MAGEA10: variants seen among roughly 807,000 people sequenced by gnomAD.
MAGEA10 encodes the protein melanoma-associated antigen 10.
A neutral mutation model predicts 8.6 loss-of-function variants in MAGEA10; 7 were observed. The ratio of observed to expected loss-of-function variants is 0.82; its 90% CI spans 0.46 to 1.53. The LOEUF is 1.53. MAGEA10 is among the 40% of genes most tolerant of loss of function. The pLI, the probability that MAGEA10 is intolerant of heterozygous loss-of-function variation, is 0.01. For synonymous variants in MAGEA10, 125 were observed against 107.4 expected (o/e 1.16, Z -1.02); for missense variants, 293 against 274.0 (o/e 1.07, Z -0.49).
At chrX:152,138,341 T>TGGGGGGGGGGGAGGGGGGGGGGGGGGGGG (rs11365460) in intron 1 of MAGEA10, 134 bp downstream of exon 1, 17 of 26,421 alleles carry the variant, frequency 6.4e-4, no homozygotes, top group African/African-American at 1.2e-3. Flanking sequence ...GGGGCGGGGG[T>TGGGGGGGGGGGAGGGGGGGGGGGGGGGGG]GGGGGGGGGG....
In MAGEA10 at chrX:152,134,121, AC is replaced by A. The variant is rs1936611926; in HGVS notation, c.*389del. The A allele has an allele frequency of 7.6e-6, 1 of 131,420 alleles. No individual in the cohort carries two copies. Among genetic ancestry groups the A allele is most frequent in the African/African-American group, 3.2e-5 (1 of 31,274 alleles). The allele number at this position is 131,420 out of a possible 1,213,427, so 10.8% of individuals were successfully genotyped here. A position where few individuals can be genotyped will look rare whatever the true frequency, so the allele number is the denominator to read the frequency against. On this transcript the variant is annotated 3_prime_UTR_variant, in exon 4 of 4. Coordinates refer to ENST00000370323, the MANE Select transcript of MAGEA10 (RefSeq NM_021048.5). Reference sequence around the variant, plus strand: ...ATTTGTTTTCATAAATTAAAAAAAAACAAAAACATAAACAAAAACTGACATG... The same window carrying A: ...ATTTGTTTTCATAAATTAAAAAAAAAAAAAACATAAACAAAAACTGACATG...
chrX:152,133,501 A>G lies in MAGEA10; in HGVS notation c.*1010T>C, dbSNP rs1191421015. 1 of 112,468 alleles carries G rather than the reference A, an allele frequency of 8.9e-6. No homozygotes were observed. Among genetic ancestry groups the G allele is most frequent in the African/African-American group, 3.2e-5 (1 of 30,933 alleles). The allele number at this position is 112,468 out of a possible 1,213,427, so 9.3% of individuals were successfully genotyped here. On this transcript the variant is annotated 3_prime_UTR_variant, in exon 4 of 4. Transcript: ENST00000370323. Reference sequence around the variant, plus strand: ...ATTCCATGTTATTTTATTACAGATTACAAATATGATGGAAGGGTTCCCAAT... The same window carrying G: ...ATTCCATGTTATTTTATTACAGATTGCAAATATGATGGAAGGGTTCCCAAT...
rs750288203 is a variant in MAGEA10, at chrX:152,135,339, G to C, written c.282C>G (p.Pro94=). 4 of 1,210,834 alleles carry C rather than the reference G, an allele frequency of 3.3e-6. No individual in the cohort carries two copies. Among genetic ancestry groups the C allele is most frequent in the South Asian group, 1.8e-5 (1 of 56,760 alleles). Residue 94 remains proline, a synonymous_variant, in exon 4 of 4, where the codon CCC becomes CCG. Transcript: ENST00000370323. ...CTAATGGAAGGGAAGCAACGACCGA[G>C]GGGGAGGAGCAGGCTATCTGAGCAC... is the stretch of plus-strand genomic sequence containing the variant. ...PQSAQIACSS[P]SVVASLPLDQ... is the part of the protein sequence containing the mutation.
intron 1 of MAGEA10, among the ~76,000 whole-genome samples, chrX:152,137,970 CGAGTGAA>C (rs1936716251): frequency 9.0e-6 from 1 of 110,566 alleles, no homozygotes; most frequent in African/African-American, 3.3e-5. Context: ...TTCCTCAGGC[CGAGTGAA>C]GAGACATCTC....
chrX:152,135,160 G>A lies in MAGEA10; in HGVS notation c.461C>T (p.Pro154Leu), dbSNP rs758297801. The change falls in exon 4 of 4, where the codon CCG becomes CTG. Residue 154 changes from proline to leucine, a missense_variant. Pro to Leu is a moderately conservative substitution (Grantham distance 98). Transcript: ENST00000370323. ...CTCCAGTATTTCTGCCTTTGTGATC[G>A]GCTCCTTCATTTGATACTTGAAGAG... ...FLLFKYQMKE[P>L]ITKAEILESV... 8.3e-6 allele frequency: 10 copies of A among 1,210,098 alleles called. No homozygotes were observed. The highest frequency in any genetic ancestry group is 3.0e-5 in the East Asian group (1 of 33,798).
rs1462782898 is a variant in MAGEA10, at chrX:152,133,509, G to C, written c.*1002C>G. On this transcript the variant is annotated 3_prime_UTR_variant, in exon 4 of 4. Coordinates refer to ENST00000370323, the MANE Select transcript of MAGEA10 (RefSeq NM_021048.5). ...TTATTTTATTACAGATTACAAATAT[G>C]ATGGAAGGGTTCCCAATTTGTTTTA... The C allele has an allele frequency of 7.2e-5, 8 of 111,741 alleles. No homozygotes were observed. The highest frequency in any genetic ancestry group is 1.3e-4 in the Non-Finnish European group (7 of 53,170). The allele number at this position is 111,741 out of a possible 1,213,427, so 9.2% of individuals were successfully genotyped here.
Position 152,134,807 on chromosome X carries a change from T to G in MAGEA10, c.814A>C (p.Thr272Pro), listed in dbSNP as rs1936630147. 1 of 1,211,761 alleles carries G rather than the reference T, an allele frequency of 8.3e-7. No homozygotes were observed. The highest frequency in any genetic ancestry group is 1.1e-6 in the Non-Finnish European group (1 of 895,481). ...TAGTTTTCCTGCACCCAATCTTGGGTGAGCAGCTTCCTGGGCTCCCCATAA... is the reference window on the plus strand; with the variant it reads ...TAGTTTTCCTGCACCCAATCTTGGGGGAGCAGCTTCCTGGGCTCCCCATAA... ...LIYGEPRKLL[T>P]QDWVQENYLE... Residue 272 changes from threonine to proline, a missense_variant, in exon 4 of 4, where the codon ACC (threonine) becomes CCC (proline). By Grantham distance (38) the Thr-to-Pro change is conservative (BLOSUM62 -1). Transcript: ENST00000370323.
In MAGEA10 at chrX:152,134,869, T is replaced by C. The variant is rs1212225610; in HGVS notation, c.752A>G (p.Asn251Ser). ...TPEEVIWEAL[N>S]MMGLYDGMEH... is the part of the protein sequence containing the mutation. Reference sequence around the variant, plus strand: ...CATCCCATCATACAGCCCCATCATATTCAGTGCTTCCCAGATGACCTCCTC... The same window carrying C: ...CATCCCATCATACAGCCCCATCATACTCAGTGCTTCCCAGATGACCTCCTC... Residue 251 changes from asparagine to serine, a missense_variant, in exon 4 of 4, where the codon AAT becomes AGT. Physicochemically the swap from Asn to Ser is conservative, Grantham distance 46 (BLOSUM62 1). Transcript: ENST00000370323. 4 of 1,209,278 alleles carry C rather than the reference T, an allele frequency of 3.3e-6. No homozygotes were observed. The highest frequency in any genetic ancestry group is 4.5e-6 in the Non-Finnish European group (4 of 895,033).
intron 1 of MAGEA10, among the ~76,000 whole-genome samples, chrX:152,137,636 T>C (rs1467992638): frequency 9.2e-6 from 1 of 109,222 alleles, no homozygotes; most frequent in African/African-American, 3.4e-5. Flanking sequence ...CTGCCTGGGG[T>C]TCCAGAGCTG....
In MAGEA10 at chrX:152,135,363, A is replaced by G. The variant is rs1936649112; in HGVS notation, c.258T>C (p.Ser86=). ...ADDETPNPPQ[S]AQIACSSPSV... is the part of the protein sequence containing the mutation. Reference sequence around the variant, plus strand: ...AGGGGGAGGAGCAGGCTATCTGAGCACTCTGGGGAGGATTTGGTGTCTCAT... The same window carrying G: ...AGGGGGAGGAGCAGGCTATCTGAGCGCTCTGGGGAGGATTTGGTGTCTCAT... Residue 86 remains serine (S), a synonymous_variant, in exon 4 of 4, where the codon AGT becomes AGC. Transcript: ENST00000370323. 1 of 1,204,332 alleles carries G rather than the reference A, an allele frequency of 8.3e-7. No homozygotes were observed. The highest frequency in any genetic ancestry group is 1.8e-5 in the South Asian group (1 of 55,807).
In MAGEA10 at chrX:152,135,779, C is replaced by T; in HGVS notation, c.-84G>A. 1 of 420,108 alleles carries T rather than the reference C, an allele frequency of 2.4e-6. No homozygotes were observed. Among genetic ancestry groups the T allele is most frequent in the East Asian group, 3.7e-5 (1 of 26,992 alleles). The allele number at this position is 420,108 out of a possible 1,213,427, so 34.6% of individuals were successfully genotyped here. A position where few individuals can be genotyped will look rare whatever the true frequency, so the allele number is the denominator to read the frequency against. On this transcript the variant is annotated 5_prime_UTR_variant, in exon 3 of 4. Transcript: ENST00000370323. ...AACTTACAGGTCTTCTCCTTCAGTG[C>T]TGCTCTGTGGTGTCCCACAGCTCTT...
chrX:152,138,058 G>T (rs1272326819), intron 1 of MAGEA10, among the ~76,000 whole-genome samples: 1 of 110,113 alleles, frequency 9.1e-6, no homozygotes, highest in Non-Finnish European at 1.9e-5. Flanking sequence ...TCCCAGCAGG[G>T]CCCGGGCCTT....
rs994241266 is a variant in MAGEA10, at chrX:152,135,751, G to A, written c.-66+10C>T. ...CCACACCCTGGAGGTTCTAACAAAG[G>A]CCAACTTACAGGTCTTCTCCTTCAG... On this transcript the variant is annotated intron_variant, in intron 3 of 3. Coordinates refer to ENST00000370323, the MANE Select transcript of MAGEA10 (RefSeq NM_021048.5). 40 of 528,757 alleles carry A rather than the reference G, an allele frequency of 7.6e-5. 1 individual carries two copies. In the Admixed American group the frequency reaches 1.3e-3, roughly 17 times the overall value. The allele number at this position is 528,757 out of a possible 1,213,427, so 43.6% of individuals were successfully genotyped here.
At chrX:152,136,668 C>T (rs902540106) in intron 2 of MAGEA10, among the ~76,000 whole-genome samples, 2 of 111,400 alleles carry the variant, frequency 1.8e-5, no homozygotes, top group African/African-American at 3.3e-5. Context: ...CTGGGACCCT[C>T]CCTCTGCTGA....
At position 152,135,568 on chromosome X, in the gene MAGEA10, G is replaced by A. The variant is rs866836799; in HGVS notation, c.53C>T (p.Ser18Phe). The change falls in exon 4 of 4, where the codon TCC becomes TTC. Residue 18 changes from serine (S) to phenylalanine (F), a missense_variant. Physicochemically the swap from Ser to Phe is radical, Grantham distance 155 (BLOSUM62 -2). Transcript: ENST00000370323. ...QRCMPEEDLQ[S>F]QSETQGLEGA... ...CTCGAGGCCCTGTGTCTCACTTTGG[G>A]ATTGAAGATCTTCTTCAGGCATGCA... 8.7e-7 allele frequency: 1 copy of A among 1,150,292 alleles called. No individual in the cohort carries two copies. The highest frequency in any genetic ancestry group is 1.8e-5 in the African/African-American group (1 of 55,471). 94.8% of individuals were successfully genotyped at this position (1,150,292 alleles called of 1,213,427 possible).
chrX:152,135,014 G>A lies in MAGEA10; in HGVS notation c.607C>T (p.Leu203Phe), dbSNP rs1409002357. ...TAGGTGAGGCCCAGGGAGGTGACAAGGACAAAGGAGTGGCCAGTGGGATCC... is the reference window on the plus strand; with the variant it reads ...TAGGTGAGGCCCAGGGAGGTGACAAAGACAAAGGAGTGGCCAGTGGGATCC... ...EVDPTGHSFV[L>F]VTSLGLTYDG... The change falls in exon 4 of 4, where the codon CTT becomes TTT. Residue 203 changes from leucine to phenylalanine, a missense_variant. Physicochemically the swap from Leu to Phe is conservative, Grantham distance 22 (BLOSUM62 0). Transcript: ENST00000370323. 9 of 1,211,780 alleles carry A rather than the reference G, an allele frequency of 7.4e-6. No homozygotes were observed. The highest frequency in any genetic ancestry group is 7.8e-6 in the Non-Finnish European group (7 of 895,474).
chrX:152,137,915 T>C (rs1936714181), intron 1 of MAGEA10, among the ~76,000 whole-genome samples: 1 of 110,543 alleles, frequency 9.0e-6, no homozygotes, highest in African/African-American at 3.3e-5. Context: ...TGGGTTGTTC[T>C]CCTCTACCAC....
chrX:152,134,551 G>T lies in MAGEA10; in HGVS notation c.1070C>A (p.Ala357Glu). 1 of 1,208,308 alleles carries T rather than the reference G, an allele frequency of 8.3e-7. No homozygotes were observed. The highest frequency in any genetic ancestry group is 1.7e-5 in the African/African-American group (1 of 57,315). ...TTDDTTAMASASSSATGSFSY... is the reference protein window; with the variant it reads ...TTDDTTAMASESSSATGSFSY... The stretch of plus-strand genomic sequence containing the variant: ...GAAGCTACCTGTAGCGCTAGAACTT[G>T]CACTGGCCATGGCAGTAGTATCATC... The change falls in exon 4 of 4, where the codon GCA becomes GAA. Residue 357 changes from alanine (A) to glutamate (E), a missense_variant. Physicochemically the swap from Ala to Glu is moderately radical, Grantham distance 107. Coordinates refer to ENST00000370323, the MANE Select transcript of MAGEA10 (RefSeq NM_021048.5).
At chrX:152,137,346 A>C (rs1047635778) in intron 1 of MAGEA10, among the ~76,000 whole-genome samples, 21 of 99,520 alleles carry the variant, frequency 2.1e-4, no homozygotes, top group African/African-American at 7.8e-4. Flanking sequence ...CGGCAGGCAG[A>C]AGTGGGGAGG....
Sources: allele counts gnomAD v4.1 joint callset (sites outside exome capture counted in the v4.1 genomes callset), GRCh38; gene constraint gnomAD v4.1.1; transcripts MANE v1.5; gene names NCBI Gene and HGNC (gene_info 2026-07-23, HGNC 2026-07-21).